The following ACYP2 variants were observed in gnomAD, a reference collection of about 807,000 sequenced individuals.
The protein encoded by ACYP2 is acylphosphatase 2, also known as acylphosphatase-2.
ACYP2 carries 12 observed loss-of-function variants against 11.2 expected under a neutral mutation model. The observed-to-expected ratio is 1.08, with a 90% confidence interval of 0.69 to 1.74. ACYP2 has a LOEUF of 1.74. ACYP2 is among the 40% of genes most tolerant of loss of function. The pLI is 0.00. For synonymous variants in ACYP2, 43 were observed against 32.2 expected (o/e 1.33, Z -1.13); for missense variants, 134 against 101.9 (o/e 1.31, Z -1.35).
intron 6 of ACYP2, among the ~76,000 whole-genome samples, chr2:54,176,404 C>A (rs533406947): frequency 6.6e-6 from 1 of 152,178 alleles, no homozygotes; most frequent in Non-Finnish European, 1.5e-5. Context: ...CCAAATAGAA[C>A]GACCAAGTGT....
At chr2:53,996,347 A>G (rs541516511) in intron 2 of ACYP2, among the ~76,000 whole-genome samples, 3 of 152,198 alleles carry the variant, frequency 2.0e-5, no homozygotes, top group East Asian at 3.9e-4. Context: ...CCTATGAGAG[A>G]TAAAAAAGGA....
intron 6 of ACYP2, among the ~76,000 whole-genome samples, chr2:54,149,468 AT>A (rs1055053495): frequency 2.0e-5 from 3 of 152,158 alleles, no homozygotes; most frequent in Non-Finnish European, 4.4e-5. Context: ...ACATTTTTTG[AT>A]GCATAAGGAC....
At chr2:54,251,412 ATATT>A (rs1687217613) in intron 6 of ACYP2, among the ~76,000 whole-genome samples, 3 of 152,216 alleles carry the variant, frequency 2.0e-5, no homozygotes, top group Non-Finnish European at 2.9e-5. Flanking sequence ...TTAAGCAAGA[ATATT>A]AAAGTACAAT....
intron 2 of ACYP2, among the ~76,000 whole-genome samples, chr2:54,016,200 C>T (rs937227214): frequency 3.3e-5 from 5 of 151,928 alleles, no homozygotes; most frequent in African/African-American, 1.2e-4. Context: ...TGTTTGGAGG[C>T]CACTGCTGCC....
At chr2:54,198,586 T>C (rs1449068962) in intron 6 of ACYP2, among the ~76,000 whole-genome samples, 1 of 150,400 alleles carries the variant, frequency 6.6e-6, no homozygotes, top group Non-Finnish European at 1.5e-5. Flanking sequence ...GTTTGTTTTG[T>C]TGTTTAATGT....
At chr2:54,106,935 A>G (rs1679201387) in intron 4 of ACYP2, among the ~76,000 whole-genome samples, 1 of 152,194 alleles carries the variant, frequency 6.6e-6, no homozygotes, top group Admixed American at 6.5e-5. Flanking sequence ...CATGGTCAAG[A>G]TACTTTAATA....
chr2:54,138,360 T>C (rs1681387868), intron 5 of ACYP2, among the ~76,000 whole-genome samples: 1 of 152,208 alleles, frequency 6.6e-6, no homozygotes, highest in Admixed American at 6.5e-5. Flanking sequence ...AAACACATCA[T>C]AGGAACTGTT....
intron 6 of ACYP2, among the ~76,000 whole-genome samples, chr2:54,266,839 G>A (rs1043460831): frequency 6.6e-6 from 1 of 151,594 alleles, no homozygotes; most frequent in Non-Finnish European, 1.5e-5. Flanking sequence ...TCAATCTCCT[G>A]ACCTCGTGAT....
At chr2:54,010,988 G>C (rs1001868933) in intron 2 of ACYP2, among the ~76,000 whole-genome samples, 3 of 151,936 alleles carry the variant, frequency 2.0e-5, no homozygotes, top group Non-Finnish European at 4.4e-5. Context: ...ACTTTGGACT[G>C]CACATGCCTC....
At position 54,112,654 on chromosome 2, in the gene ACYP2, A is replaced by G. The variant is rs543600279; in HGVS notation, c.278-22799A>G. ...CCTAATGTGATTTATTAAAATATTC[A>G]TTGGAAAGACTACAACATGGAAAAG... On this transcript the variant is annotated intron_variant, in intron 4 of 6. Transcript: ENST00000607452. 5.3e-5 allele frequency among the ~76,000 whole-genome samples: 8 copies of G among 152,376 alleles called. No individual in the cohort carries two copies. In the East Asian group the frequency reaches 1.5e-3, roughly 29 times the overall value.
intron 1 of ACYP2, among the ~76,000 whole-genome samples, chr2:53,973,161 C>A (rs1671257852): frequency 6.6e-6 from 1 of 152,080 alleles, no homozygotes; most frequent in African/African-American, 2.4e-5. Context: ...TGAAGTGAAA[C>A]CTGAAAGGGT....
At chr2:53,977,045 T>C (rs1483921650) in intron 2 of ACYP2, among the ~76,000 whole-genome samples, 1 of 152,114 alleles carries the variant, frequency 6.6e-6, no homozygotes. Context: ...CTAATATCCA[T>C]ATTTCTTTTC....
At chr2:54,132,688 A>G (rs1680978717) in intron 4 of ACYP2, among the ~76,000 whole-genome samples, 2 of 151,652 alleles carry the variant, frequency 1.3e-5, no homozygotes, top group African/African-American at 4.8e-5. Flanking sequence ...TTATTTTTCA[A>G]TTGAGATAGA....
At chr2:53,993,882 G>A (rs1672425652) in intron 2 of ACYP2, among the ~76,000 whole-genome samples, 1 of 151,220 alleles carries the variant, frequency 6.6e-6, no homozygotes, top group South Asian at 2.1e-4. Flanking sequence ...TTGGGAAAGA[G>A]GATGTATAAT....
At chr2:53,989,983 T>TTTC (rs1339630615) in intron 2 of ACYP2, among the ~76,000 whole-genome samples, 31 of 140,764 alleles carry the variant, frequency 2.2e-4, no homozygotes, top group South Asian at 6.5e-4. Flanking sequence ...TTTCTTTTCT[T>TTTC]TTTTTTTTTT....
At chr2:53,997,394 C>G (rs947442529) in intron 2 of ACYP2, among the ~76,000 whole-genome samples, 1 of 152,166 alleles carries the variant, frequency 6.6e-6, no homozygotes, top group Non-Finnish European at 1.5e-5. Flanking sequence ...CAACCTCTGC[C>G]TTCCGGCTTC....
intron 6 of ACYP2, among the ~76,000 whole-genome samples, chr2:54,290,426 G>A (rs1441473631): frequency 6.6e-6 from 1 of 151,970 alleles, no homozygotes; most frequent in African/African-American, 2.4e-5. Context: ...AACAGTATCA[G>A]CAAGCCGGGA....
intron 2 of ACYP2, among the ~76,000 whole-genome samples, chr2:54,015,920 C>T (rs1673660387): frequency 6.6e-6 from 1 of 152,050 alleles, no homozygotes; most frequent in Admixed American, 6.6e-5. Flanking sequence ...CCACCTCAGC[C>T]TCCCAAAGTG....
At chr2:54,029,620 T>C (rs1283397634) in intron 2 of ACYP2, 2 of 375,346 alleles carry the variant, frequency 5.3e-6, no homozygotes, top group Non-Finnish European at 5.1e-6. Context: ...TCCTTCTTTT[T>C]CTGATCATTT....
Sources: gnomAD v4.1 joint callset for allele counts (sites outside exome capture counted in the v4.1 genomes callset) on GRCh38, gnomAD v4.1.1 for gene constraint, MANE v1.5 for transcripts, NCBI Gene and HGNC (gene_info 2026-07-23, HGNC 2026-07-21) for gene names.